UNC13C: variants seen among roughly 807,000 people sequenced by gnomAD.
UNC13C encodes protein unc-13 homolog C.
UNC13C carries 174 observed loss-of-function variants against 245.4 expected under a neutral mutation model. That is an observed-to-expected ratio of 0.71 (90% CI 0.63 to 0.80). UNC13C has a LOEUF of 0.80. Among genes scored for constraint, UNC13C ranks in the 30% least tolerant of loss-of-function variants. The probability of loss-of-function intolerance (pLI) is 0.00; values close to 1 mark genes in which losing one functional copy is unlikely to be tolerated. For missense variants in UNC13C, 2,829 were observed against 2,602.9 expected (o/e 1.09, Z -1.89); for synonymous variants, 992 against 895.1 (o/e 1.11, Z -1.93).
chr15:54,303,057 C>T (rs116450512), intron 13 of UNC13C, among the ~76,000 whole-genome samples: 2 of 151,864 alleles, frequency 1.3e-5, no homozygotes, highest in Non-Finnish European at 2.9e-5. Flanking sequence ...AAATAAGAAA[C>T]CTTAGAGATC....
chr15:54,207,676 A>G (rs907371862), intron 4 of UNC13C, among the ~76,000 whole-genome samples: 3 of 152,128 alleles, frequency 2.0e-5, no homozygotes, highest in Non-Finnish European at 4.4e-5. Context: ...AAAAATTTGT[A>G]CATCTCTGAC....
upstream of UNC13C, among the ~76,000 whole-genome samples, chr15:53,973,966 G>C (rs1469894549): frequency 1.3e-5 from 2 of 152,022 alleles, no homozygotes; most frequent in East Asian, 3.9e-4. Flanking sequence ...CTTTACAGGG[G>C]AACCAGTTTT....
chr15:54,505,452 A>G (rs1379217689), intron 22 of UNC13C, among the ~76,000 whole-genome samples: 1 of 152,198 alleles, frequency 6.6e-6, no homozygotes, highest in African/African-American at 2.4e-5. Flanking sequence ...ATAGGACCAA[A>G]TAATGTGCAT....
intron 28 of UNC13C, among the ~76,000 whole-genome samples, chr15:54,552,775 TATATA>T (rs1426862943): frequency 1.9e-4 from 15 of 77,798 alleles, no homozygotes; most frequent in African/African-American, 5.8e-4. Flanking sequence ...TATAGTACAA[TATATA>T]ATATAATATA....
intron 1 of UNC13C, among the ~76,000 whole-genome samples, chr15:53,987,324 C>G (rs1189339840): frequency 6.6e-6 from 1 of 151,932 alleles, no homozygotes; most frequent in Non-Finnish European, 1.5e-5. Context: ...AGTAAGTTAA[C>G]CTCCTATATG....
intron 24 of UNC13C, among the ~76,000 whole-genome samples, chr15:54,521,204 C>A (rs1048308171): frequency 3.9e-5 from 6 of 151,966 alleles, no homozygotes; most frequent in African/African-American, 1.2e-4. Context: ...AGTATGAAAC[C>A]TACCAGAATA....
At position 54,015,356 on chromosome 15, in the gene UNC13C, G is replaced by A. The variant is rs1467167051; in HGVS notation, c.2453G>A (p.Ser818Asn). The change falls in exon 2 of 33, where the codon AGT becomes AAT. Residue 818 changes from serine to asparagine, a missense_variant. Physicochemically the swap from Ser to Asn is conservative, Grantham distance 46. Coordinates refer to ENST00000260323, the MANE Select transcript of UNC13C (RefSeq NM_001080534.3). ...LEVVWNKSTQ[S>N]LSGYEDSGSS... ...GTAGTATGGAACAAAAGCACACAGA[G>A]TCTGAGTGGGTATGAGGACAGTGGC... The A allele has an allele frequency of 6.2e-7, 1 of 1,613,866 alleles. No individual in the cohort carries two copies. The highest frequency in any genetic ancestry group is 1.1e-5 in the South Asian group (1 of 91,080).
At chr15:54,424,340 A>G (rs8035405) in intron 19 of UNC13C, among the ~76,000 whole-genome samples, 41,942 of 151,784 alleles carry the variant, frequency 0.28, 6,182 homozygotes, top group African/African-American at 0.37. Flanking sequence ...AGCAGTTGGC[A>G]TGAAATCAGC....
chr15:54,075,999 G>T (rs80324637), intron 2 of UNC13C, among the ~76,000 whole-genome samples: 4,770 of 149,954 alleles, frequency 0.032, 266 homozygotes, highest in African/African-American at 0.11. Context: ...GTTGATTGCA[G>T]TGCACTTCAG....
chr15:54,381,799 G>A (rs1338842283), intron 17 of UNC13C, among the ~76,000 whole-genome samples: 1 of 151,838 alleles, frequency 6.6e-6, no homozygotes, highest in African/African-American at 2.4e-5. Context: ...CTTCAACACA[G>A]TAATAATGGA....
At chr15:54,336,938 G>C (rs969745314) in intron 16 of UNC13C, among the ~76,000 whole-genome samples, 1 of 152,036 alleles carries the variant, frequency 6.6e-6, no homozygotes, top group Non-Finnish European at 1.5e-5. Context: ...CAATTGTATA[G>C]GTGATTTTCA....
intron 2 of UNC13C, chr15:54,050,130 C>T (rs2414275): frequency 0.16 from 56,578 of 347,726 alleles, 5,345 homozygotes; most frequent in East Asian, 0.28. Context: ...CCACCACGCC[C>T]GGCTATTTTT....
the UNC13C span, among the ~76,000 whole-genome samples, chr15:53,923,945 G>A: frequency 7.4e-3 from 1,128 of 152,338 alleles, 11 homozygotes; most frequent in African/African-American, 0.026. Context: ...GGTGGCTCGC[G>A]CCTGTAATCC....
chr15:54,005,704 A>T (rs1451923091), intron 1 of UNC13C, among the ~76,000 whole-genome samples: 1 of 152,210 alleles, frequency 6.6e-6, no homozygotes, highest in Non-Finnish European at 1.5e-5. Context: ...TTTGTGGAAA[A>T]CATGAGTCTC....
chr15:53,909,686 C>T, the UNC13C span, among the ~76,000 whole-genome samples: 1 of 146,852 alleles, frequency 6.8e-6, no homozygotes, highest in East Asian at 2.0e-4. Context: ...GTGGAGGTTG[C>T]AGTGAGCCAA....
At position 54,435,779 on chromosome 15, in the gene UNC13C, G is replaced by A. The variant is rs1055793563; in HGVS notation, c.4933+20712G>A. Among the ~76,000 whole-genome samples the A allele has an allele frequency of 5.3e-5, 8 of 151,438 alleles. 1 individual carries two copies. Among genetic ancestry groups the A allele is most frequent in the Non-Finnish European group, 7.4e-5 (5 of 67,762 alleles). On this transcript the variant is annotated intron_variant, in intron 19 of 32. Coordinates refer to ENST00000260323, the MANE Select transcript of UNC13C (RefSeq NM_001080534.3). ...AAAATAAAAAAAGAAACTATCATCA[G>A]AGTGAACAGGCAACCTACAGAATGG...
intron 4 of UNC13C, among the ~76,000 whole-genome samples, chr15:54,205,219 A>T (rs1173295475): frequency 6.7e-6 from 1 of 149,886 alleles, no homozygotes; most frequent in Non-Finnish European, 1.5e-5. Context: ...TAAAAATCAA[A>T]CATCCACTCC....
intron 19 of UNC13C, among the ~76,000 whole-genome samples, chr15:54,455,406 T>C (rs372701421): frequency 1.3e-4 from 19 of 151,060 alleles, no homozygotes; most frequent in African/African-American, 4.6e-4. Context: ...AAATGGTAGT[T>C]CTACCTTTAG....
chr15:54,610,388 A>G (rs1397035075), intron 30 of UNC13C, among the ~76,000 whole-genome samples: 1 of 151,862 alleles, frequency 6.6e-6, no homozygotes, highest in Admixed American at 6.6e-5. Context: ...GCACACACCA[A>G]CATGCCTAGC....
Sources: allele counts gnomAD v4.1 joint callset (sites outside exome capture counted in the v4.1 genomes callset), GRCh38; gene constraint gnomAD v4.1.1; transcripts MANE v1.5; gene names NCBI Gene and HGNC (gene_info 2026-07-23, HGNC 2026-07-21).